The following HEMK2 variants were observed in gnomAD, a reference collection of about 807,000 sequenced individuals.
HEMK2 encodes the protein methyltransferase HEMK2.
chr21:28,872,816 T>C, the HEMK2 span: 1 of 152,216 alleles, frequency 6.6e-6, no homozygotes, highest in Non-Finnish European at 1.5e-5. Flanking sequence ...TTCCTTCCTC[T>C]GCCTTTTATT....
chr21:28,833,295 C>A, the HEMK2 span, among the ~76,000 whole-genome samples: 16 of 152,204 alleles, frequency 1.1e-4, no homozygotes, highest in Admixed American at 1.3e-4. Flanking sequence ...GCTTTGTGCA[C>A]ACAAGGCCAA....
At chr21:28,839,588 G>C in the HEMK2 span, among the ~76,000 whole-genome samples, 1 of 151,910 alleles carries the variant, frequency 6.6e-6, no homozygotes, top group Non-Finnish European at 1.5e-5. Context: ...CAACCAAGCA[G>C]ACAATCAAAT....
chr21:28,577,713 AT>A, the HEMK2 span, among the ~76,000 whole-genome samples: 1 of 152,262 alleles, frequency 6.6e-6, no homozygotes, highest in East Asian at 1.9e-4. Flanking sequence ...TTGACCTTAT[AT>A]TTTTTAAAAA....
the HEMK2 span, among the ~76,000 whole-genome samples, chr21:28,685,192 G>A: frequency 1.3e-5 from 2 of 152,108 alleles, no homozygotes; most frequent in South Asian, 4.1e-4. Context: ...GCTCTTAGGG[G>A]CTACCTCTAT....
chr21:28,702,449 C>G, the HEMK2 span, among the ~76,000 whole-genome samples: 1 of 151,526 alleles, frequency 6.6e-6, no homozygotes, highest in Admixed American at 6.6e-5. Flanking sequence ...CTATAAGGAG[C>G]TTAAATCAAT....
At chr21:28,818,943 C>T in the HEMK2 span, among the ~76,000 whole-genome samples, 1 of 152,188 alleles carries the variant, frequency 6.6e-6, no homozygotes, top group Non-Finnish European at 1.5e-5. Flanking sequence ...GTAAAAGTTG[C>T]TCTTTGGTAT....
chr21:28,642,170 C>T, the HEMK2 span, among the ~76,000 whole-genome samples: 4 of 152,196 alleles, frequency 2.6e-5, no homozygotes, highest in Non-Finnish European at 4.4e-5. Context: ...GTTGAAACAA[C>T]CCCAAAATTT....
At chr21:28,641,010 G>A in the HEMK2 span, among the ~76,000 whole-genome samples, 1 of 152,164 alleles carries the variant, frequency 6.6e-6, no homozygotes, top group East Asian at 1.9e-4. Flanking sequence ...AAAAATTGTT[G>A]TAAAAATTTA....
At chr21:28,647,185 T>C in the HEMK2 span, among the ~76,000 whole-genome samples, 2 of 151,116 alleles carry the variant, frequency 1.3e-5, no homozygotes, top group East Asian at 3.9e-4. Flanking sequence ...CAAAAGGTGG[T>C]ACAGAAAGTA....
chr21:28,720,815 G>A, the HEMK2 span, among the ~76,000 whole-genome samples: 1 of 152,114 alleles, frequency 6.6e-6, no homozygotes, highest in South Asian at 2.1e-4. Flanking sequence ...TGCGAAATAG[G>A]AGAGCACTCA....
the HEMK2 span, among the ~76,000 whole-genome samples, chr21:28,782,603 G>A: frequency 5.9e-5 from 9 of 152,010 alleles, no homozygotes; most frequent in Non-Finnish European, 8.8e-5. Context: ...TATGTAATAG[G>A]GAAAAGTTTT....
At chr21:28,717,839 G>A in the HEMK2 span, among the ~76,000 whole-genome samples, 1 of 151,958 alleles carries the variant, frequency 6.6e-6, no homozygotes, top group Non-Finnish European at 1.5e-5. Flanking sequence ...TGTTAGTCTA[G>A]TTAGCCGTCT....
At chr21:28,771,515 A>ACCCCCCCCCCCCCC in the HEMK2 span, among the ~76,000 whole-genome samples, 1 of 96,838 alleles carries the variant, frequency 1.0e-5, no homozygotes, top group Non-Finnish European at 1.9e-5. Flanking sequence ...CACAAGATGC[A>ACCCCCCCCCCCCCC]CCACCCCCCC....
At chr21:28,662,195 G>C in the HEMK2 span, among the ~76,000 whole-genome samples, 1 of 152,082 alleles carries the variant, frequency 6.6e-6, no homozygotes, top group Non-Finnish European at 1.5e-5. Context: ...GGGCGGGAGA[G>C]GGTCACGCTG....
chr21:28,883,084 T>A, the HEMK2 span: 53 of 1,548,150 alleles, frequency 3.4e-5, no homozygotes, highest in Admixed American at 2.7e-4. Context: ...GAAAAAAAAA[T>A]AAATAAATAT....
the HEMK2 span, among the ~76,000 whole-genome samples, chr21:28,804,886 T>C: frequency 2.0e-5 from 3 of 152,212 alleles, no homozygotes; most frequent in African/African-American, 7.2e-5. Flanking sequence ...ACACTTTGCA[T>C]ACTGTTTGTA....
chr21:28,783,518 CAA>C, the HEMK2 span, among the ~76,000 whole-genome samples: 1 of 152,208 alleles, frequency 6.6e-6, no homozygotes, highest in Admixed American at 6.5e-5. Context: ...GTGCATAAAA[CAA>C]AGTTTTGACT....
At chr21:28,836,844 C>T in the HEMK2 span, among the ~76,000 whole-genome samples, 1 of 150,292 alleles carries the variant, frequency 6.7e-6, no homozygotes, top group African/African-American at 2.4e-5. Flanking sequence ...AAATGGAAAC[C>T]AAAAGTAAGC....
chr21:28,625,379 G>A, the HEMK2 span, among the ~76,000 whole-genome samples: 7 of 152,150 alleles, frequency 4.6e-5, no homozygotes, highest in Non-Finnish European at 1.0e-4. Flanking sequence ...CAGGTAGGAA[G>A]CCTAACACAA....
Sources: gnomAD v4.1 joint callset for allele counts (sites outside exome capture counted in the v4.1 genomes callset) on GRCh38, gnomAD v4.1.1 for gene constraint, MANE v1.5 for transcripts, NCBI Gene and HGNC (gene_info 2026-07-23, HGNC 2026-07-21) for gene names.